The following XRCC4 variants were observed in gnomAD, a reference collection of about 807,000 sequenced individuals.
XRCC4 encodes the protein DNA repair protein XRCC4.
In XRCC4, 28 loss-of-function variants were observed where a neutral mutation model predicts 39.1. The observed-to-expected ratio is 0.72, with a 90% CI of 0.53 to 0.98. The LOEUF (loss-of-function observed/expected upper bound fraction) is 0.98. Ranked by LOEUF, XRCC4 falls within the 50% of genes least tolerant of loss-of-function variation. The pLI, the probability that XRCC4 is intolerant of heterozygous loss-of-function variation, is 0.00. For synonymous variants in XRCC4, 123 were observed against 126.4 expected, an observed-to-expected ratio of 0.97 and a Z score of 0.18; for missense variants, 350 against 376.4, an observed-to-expected ratio of 0.93 and a Z score of 0.58.
intron 4 of XRCC4, among the ~76,000 whole-genome samples, chr5:83,196,549 C>T (rs569185268): frequency 1.3e-5 from 2 of 151,846 alleles, no homozygotes; most frequent in Non-Finnish European, 2.9e-5. Context: ...AAATCCTAAT[C>T]TAGGCTGGCC....
chr5:83,103,690 TATACTC>T (rs1325569515), intron 1 of XRCC4, among the ~76,000 whole-genome samples: 4 of 152,188 alleles, frequency 2.6e-5, no homozygotes, highest in African/African-American at 4.8e-5. Context: ...TAACCTGTCT[TATACTC>T]ATATAATAGA....
At chr5:83,093,837 CCTT>C (rs1745543508) in intron 1 of XRCC4, among the ~76,000 whole-genome samples, 1 of 152,000 alleles carries the variant, frequency 6.6e-6, no homozygotes. Flanking sequence ...GTTTTTATTT[CCTT>C]CTTATTTTTG....
intron 2 of XRCC4, among the ~76,000 whole-genome samples, chr5:83,108,360 T>C (rs1580228950): frequency 1.3e-5 from 2 of 151,962 alleles, no homozygotes; most frequent in Admixed American, 1.3e-4. Flanking sequence ...CAAGTACATT[T>C]TTGAACAAAT....
intron 3 of XRCC4, among the ~76,000 whole-genome samples, chr5:83,194,040 C>T (rs1750831983): frequency 6.6e-6 from 1 of 152,174 alleles, no homozygotes; most frequent in Admixed American, 6.5e-5. Context: ...TCAAGCGATC[C>T]TTGTGCCTCA....
chr5:83,362,319 CTA>C, the XRCC4 span, among the ~76,000 whole-genome samples: 1 of 100,168 alleles, frequency 1.0e-5, no homozygotes, highest in Non-Finnish European at 1.9e-5. Flanking sequence ...AAAAAAAAAA[CTA>C]TCTCATTGTT....
intron 1 of XRCC4, among the ~76,000 whole-genome samples, chr5:83,086,362 A>G (rs949468325): frequency 2.6e-5 from 4 of 152,208 alleles, no homozygotes; most frequent in Non-Finnish European, 4.4e-5. Flanking sequence ...CATCAATAAC[A>G]TAAACAGTTG....
chr5:83,246,672 T>C (rs192275148), intron 6 of XRCC4, among the ~76,000 whole-genome samples: 168 of 152,252 alleles, frequency 1.1e-3, no homozygotes, highest in African/African-American at 3.9e-3. Context: ...ACATGAAACA[T>C]TTACCTCATT....
At chr5:83,203,792 A>T in intron 5 of XRCC4, 85 bp downstream of exon 5, 1 of 1,495,426 alleles carries the variant, frequency 6.7e-7, no homozygotes, top group Non-Finnish European at 9.1e-7. Context: ...TTAGATGCCA[A>T]CTTTTTGATC....
intron 7 of XRCC4, among the ~76,000 whole-genome samples, chr5:83,346,331 G>C (rs1561485784): frequency 6.6e-6 from 1 of 152,122 alleles, no homozygotes; most frequent in Non-Finnish European, 1.5e-5. Flanking sequence ...AGAAACTGAG[G>C]TCCAGCAGTG....
chr5:83,203,015 G>A (rs1751272468), intron 4 of XRCC4, among the ~76,000 whole-genome samples: 2 of 152,054 alleles, frequency 1.3e-5, no homozygotes, highest in African/African-American at 2.4e-5. Context: ...TTGGGTATGT[G>A]TATTGCATTT....
rs187351319 is a variant in XRCC4, at chr5:83,143,216, T to C, written c.315+32013T>C. On this transcript the variant is annotated intron_variant, in intron 3 of 7. Transcript: ENST00000396027. ...GTTTTGATATTTTGAGAATTAGTTT[T>C]GTTATTATTGTATTTTAATCTACCT... Among the ~76,000 whole-genome samples the C allele has an allele frequency of 5.3e-5, 8 of 152,310 alleles. No individual in the cohort carries two copies. The East Asian group carries it at 1.5e-3, about 29-fold the overall frequency.
In XRCC4 at chr5:83,176,323, TA is replaced by T. The variant is rs1202190827; in HGVS notation, c.316-19440del. Reference sequence around the variant, plus strand: ...ATGGTTAGACAGAAAATACATAAAGTAAAAAAATAGTCAAAGTAATTTTAGT... The same window carrying T: ...ATGGTTAGACAGAAAATACATAAAGTAAAAAATAGTCAAAGTAATTTTAGT... On this transcript the variant is annotated intron_variant, in intron 3 of 7. Coordinates refer to ENST00000396027, the MANE Select transcript of XRCC4 (RefSeq NM_003401.5). Among the ~76,000 whole-genome samples, 130 of 152,114 alleles carry T rather than the reference TA, an allele frequency of 8.5e-4. No individual in the cohort carries two copies. In the Middle Eastern group the frequency reaches 0.01, roughly 12 times the overall value.
intron 7 of XRCC4, among the ~76,000 whole-genome samples, chr5:83,262,843 T>TG (rs972543408): frequency 2.1e-5 from 3 of 141,750 alleles, no homozygotes; most frequent in Admixed American, 1.3e-4. Flanking sequence ...ACAGTCTTTT[T>TG]TTTTTTTTTT....
intron 7 of XRCC4, among the ~76,000 whole-genome samples, chr5:83,322,354 A>G (rs28360315): frequency 1.4e-3 from 207 of 152,184 alleles, no homozygotes; most frequent in Middle Eastern, 0.01. Flanking sequence ...TAAAGACCTC[A>G]ATGAAATTAT....
intron 7 of XRCC4, among the ~76,000 whole-genome samples, chr5:83,326,165 T>C (rs1350898039): frequency 6.6e-6 from 1 of 152,086 alleles, no homozygotes; most frequent in African/African-American, 2.4e-5. Context: ...CTTTGTCAAA[T>C]GGATAGATAG....
intron 2 of XRCC4, among the ~76,000 whole-genome samples, 158 bp from the exon 3 acceptor site, chr5:83,110,870 A>G (rs1746407799): frequency 6.6e-6 from 1 of 152,134 alleles, no homozygotes; most frequent in Non-Finnish European, 1.5e-5. Flanking sequence ...TTCAGTAAAA[A>G]GGAATAATTT....
chr5:83,199,529 G>A (rs1751089263), intron 4 of XRCC4, among the ~76,000 whole-genome samples: 1 of 151,924 alleles, frequency 6.6e-6, no homozygotes, highest in Non-Finnish European at 1.5e-5. Flanking sequence ...ATTAATTTAA[G>A]GATTACTGCA....
rs563728785 is a variant in XRCC4, at chr5:83,349,810, T to G, written c.894-3321T>G. On this transcript the variant is annotated intron_variant, in intron 7 of 7. Transcript: ENST00000396027. ...TACAGGGGGTACATGTGCGGGTTTG[T>G]TACAGGGGTGTATTGCATGATACTG... 4.6e-5 allele frequency among the ~76,000 whole-genome samples: 7 copies of G among 152,246 alleles called. No homozygotes were observed. In the East Asian group the frequency reaches 7.7e-4, roughly 17 times the overall value.
chr5:83,234,292 T>A (rs187353161), intron 6 of XRCC4, among the ~76,000 whole-genome samples: 1 of 152,346 alleles, frequency 6.6e-6, no homozygotes, highest in African/African-American at 2.4e-5. Flanking sequence ...AGGAATTATA[T>A]AAGTGGCTTA....
Sources: allele counts gnomAD v4.1 joint callset (sites outside exome capture counted in the v4.1 genomes callset), GRCh38; gene constraint gnomAD v4.1.1; transcripts MANE v1.5; gene names NCBI Gene and HGNC (gene_info 2026-07-23, HGNC 2026-07-21).